NCKAP5: variants seen among roughly 807,000 people sequenced by gnomAD.
NCKAP5 encodes NCK associated protein 5.
In NCKAP5, 92 loss-of-function variants were observed where a neutral mutation model predicts 167.0. The ratio of observed to expected loss-of-function variants is 0.55; its 90% CI spans 0.47 to 0.66. The LOEUF (loss-of-function observed/expected upper bound fraction) is 0.66, where lower values mean the gene tolerates loss of function less well. NCKAP5 is among the 30% of genes least tolerant of loss of function. The probability of loss-of-function intolerance (pLI) is 0.00; values close to 1 mark genes in which losing one functional copy is unlikely to be tolerated. For synonymous variants in NCKAP5, 891 were observed against 877.4 expected (o/e 1.02, Z -0.27); for missense variants, 2,378 against 2,315.0 (o/e 1.03, Z -0.56).
At chr2:133,091,072 C>T (rs1386974486) in intron 6 of NCKAP5, among the ~76,000 whole-genome samples, 2 of 152,200 alleles carry the variant, frequency 1.3e-5, no homozygotes, top group Admixed American at 6.5e-5. Context: ...CATTCATGCT[C>T]TCTTCCTCCT....
At chr2:133,063,388 C>T (rs528511884) in intron 6 of NCKAP5, among the ~76,000 whole-genome samples, 3 of 152,298 alleles carry the variant, frequency 2.0e-5, no homozygotes, top group South Asian at 2.1e-4. Context: ...GTTACATATA[C>T]ACTACCAGCA....
At chr2:133,650,040 T>C in the NCKAP5 span, among the ~76,000 whole-genome samples, 1 of 152,182 alleles carries the variant, frequency 6.6e-6, no homozygotes, top group Non-Finnish European at 1.5e-5. Flanking sequence ...ATAAAATCGA[T>C]GTAAAAATAA....
chr2:132,853,602 T>G (rs746211152), intron 11 of NCKAP5, among the ~76,000 whole-genome samples: 7 of 152,032 alleles, frequency 4.6e-5, no homozygotes, highest in Non-Finnish European at 8.8e-5. Flanking sequence ...GAAATTTAGG[T>G]GCCTTCCATT....
At chr2:133,173,201 G>C (rs944675480) in intron 5 of NCKAP5, among the ~76,000 whole-genome samples, 7 of 152,050 alleles carry the variant, frequency 4.6e-5, no homozygotes, top group African/African-American at 1.7e-4. Context: ...AGGAGGTTGG[G>C]GTGGGATATT....
At chr2:133,631,705 T>G in the NCKAP5 span, among the ~76,000 whole-genome samples, 44 of 152,314 alleles carry the variant, frequency 2.9e-4, no homozygotes, top group East Asian at 6.4e-3. Context: ...TATAGCTAAG[T>G]CTTCCATCCT....
chr2:133,568,613 G>A (rs1257533887), upstream of NCKAP5: 1 of 152,260 alleles, frequency 6.6e-6, no homozygotes, highest in Non-Finnish European at 1.5e-5. Context: ...GCATCTTGGA[G>A]TGGATTCCAG....
intron 8 of NCKAP5, among the ~76,000 whole-genome samples, chr2:132,922,443 A>C (rs968038136): frequency 1.2e-4 from 19 of 152,180 alleles, no homozygotes; most frequent in African/African-American, 4.3e-4. Context: ...TCCCCTGCTT[A>C]AAATACTTTA....
chr2:133,386,207 A>G (rs1386562521), intron 3 of NCKAP5, among the ~76,000 whole-genome samples: 1 of 152,216 alleles, frequency 6.6e-6, no homozygotes, highest in Non-Finnish European at 1.5e-5. Flanking sequence ...TTCCCTCTAC[A>G]CACTGCTTTA....
chr2:133,461,538 CCACT>C (rs1692198447), intron 3 of NCKAP5, among the ~76,000 whole-genome samples: 1 of 152,118 alleles, frequency 6.6e-6, no homozygotes, highest in Non-Finnish European at 1.5e-5. Context: ...CTTTCTGCGC[CCACT>C]CAGAGTTCCA....
At chr2:133,018,688 G>A (rs1009225218) in intron 6 of NCKAP5, among the ~76,000 whole-genome samples, 15 of 152,166 alleles carry the variant, frequency 9.9e-5, no homozygotes, top group Non-Finnish European at 1.9e-4. Context: ...TTTGTTTGGG[G>A]ATCCACAACA....
chr2:132,893,380 T>C (rs2121695), intron 8 of NCKAP5, among the ~76,000 whole-genome samples: 129,553 of 152,212 alleles, frequency 0.85, 55,560 homozygotes, highest in East Asian at 0.96. Context: ...TCTTGTTTTC[T>C]AGCCCTCAGA....
intron 15 of NCKAP5, among the ~76,000 whole-genome samples, chr2:132,780,359 C>T (rs750470211): frequency 1.4e-4 from 21 of 152,262 alleles, no homozygotes; most frequent in Middle Eastern, 6.8e-3. Flanking sequence ...ACCGTGTTAG[C>T]CAGGATGGTC....
At chr2:133,624,863 C>T in the NCKAP5 span, among the ~76,000 whole-genome samples, 3 of 152,118 alleles carry the variant, frequency 2.0e-5, no homozygotes, top group East Asian at 5.8e-4. Flanking sequence ...TGAGATACAG[C>T]TGTAAGAGAA....
At chr2:133,078,615 C>A (rs1297798039) in intron 6 of NCKAP5, among the ~76,000 whole-genome samples, 1 of 152,202 alleles carries the variant, frequency 6.6e-6, no homozygotes, top group East Asian at 1.9e-4. Context: ...AAGTTGTCAA[C>A]CCTCACCAAG....
At chr2:133,137,972 G>A (rs1442876280) in intron 5 of NCKAP5, among the ~76,000 whole-genome samples, 1 of 152,146 alleles carries the variant, frequency 6.6e-6, no homozygotes, top group Non-Finnish European at 1.5e-5. Context: ...TCTAATCTTG[G>A]TTAGCTAAAC....
intron 3 of NCKAP5, among the ~76,000 whole-genome samples, chr2:133,458,967 T>C (rs1305265573): frequency 1.3e-5 from 2 of 152,090 alleles, no homozygotes; most frequent in African/African-American, 2.4e-5. Flanking sequence ...TAAGAAAGAG[T>C]TGAATCACTA....
intron 19 of NCKAP5, among the ~76,000 whole-genome samples, chr2:132,709,624 G>A (rs1688666534): frequency 6.6e-6 from 1 of 152,024 alleles, no homozygotes; most frequent in Non-Finnish European, 1.5e-5. Flanking sequence ...AAATTTATCA[G>A]AATTGATAGT....
chr2:133,077,126 A>G (rs1339345230), intron 6 of NCKAP5, among the ~76,000 whole-genome samples: 1 of 152,216 alleles, frequency 6.6e-6, no homozygotes, highest in Admixed American at 6.5e-5. Context: ...AAAAATAGAC[A>G]GCAATGAATT....
At chr2:133,150,121 C>A (rs1009692762) in intron 5 of NCKAP5, among the ~76,000 whole-genome samples, 13 of 152,202 alleles carry the variant, frequency 8.5e-5, no homozygotes, top group African/African-American at 3.1e-4. Flanking sequence ...CCTATGATTT[C>A]AGTTACTCAA....
Sources: allele counts gnomAD v4.1 joint callset (sites outside exome capture counted in the v4.1 genomes callset), GRCh38; gene constraint gnomAD v4.1.1; transcripts MANE v1.5; gene names NCBI Gene and HGNC (gene_info 2026-07-23, HGNC 2026-07-21).